SLC25A33: variants seen among roughly 807,000 people sequenced by gnomAD.
SLC25A33 encodes solute carrier family 25 member 33.
Under a neutral mutation model 35.5 loss-of-function variants are expected in SLC25A33, and 15 were observed. That is an observed-to-expected ratio of 0.42 (90% confidence interval 0.28 to 0.65). The LOEUF (loss-of-function observed/expected upper bound fraction) is 0.65. Among genes scored for constraint, SLC25A33 ranks in the 30% least tolerant of loss-of-function variants. SLC25A33 has a pLI of 0.20. For synonymous variants in SLC25A33, 136 were observed against 148.7 expected (o/e 0.91, Z 0.62); for missense variants, 257 against 398.5 (o/e 0.64, Z 3.02).
At chr1:9,560,359 T>C (rs1643404885) in intron 2 of SLC25A33, among the ~76,000 whole-genome samples, 1 of 151,944 alleles carries the variant, frequency 6.6e-6, no homozygotes, top group African/African-American at 2.4e-5. Flanking sequence ...GGTCAGGAGA[T>C]AGAGACTATC....
intron 4 of SLC25A33, 117 bp downstream of exon 4, chr1:9,570,475 G>T: frequency 1.1e-6 from 1 of 882,178 alleles, no homozygotes; most frequent in Non-Finnish European, 1.8e-6. Context: ...ACCTAAAATT[G>T]TTTTTCTAAA....
chr1:9,568,679 G>A (rs947114460), intron 3 of SLC25A33, among the ~76,000 whole-genome samples: 5 of 151,186 alleles, frequency 3.3e-5, no homozygotes, highest in Admixed American at 2.0e-4. Context: ...GTGAAACCCC[G>A]TCTCTACTAA....
intron 6 of SLC25A33, among the ~76,000 whole-genome samples, chr1:9,581,689 G>A (rs978539288): frequency 4.5e-4 from 66 of 146,538 alleles, no homozygotes; most frequent in African/African-American, 9.5e-4. Flanking sequence ...AGATCGTACC[G>A]ACTGCACTCC....
chr1:9,574,065 A>G (rs938330542), intron 5 of SLC25A33, among the ~76,000 whole-genome samples: 1 of 150,076 alleles, frequency 6.7e-6, no homozygotes, highest in Non-Finnish European at 1.5e-5. Context: ...ATCTTGGCTC[A>G]CTGCAATCTA....
rs149976338 is a variant in SLC25A33, at chr1:9,567,355, C to T, written c.308C>T (p.Pro103Leu). Residue 103 changes from proline (P) to leucine (L), a missense_variant, in exon 3 of 7, where the codon CCA becomes CTA. Physicochemically the swap from Pro to Leu is moderately conservative, Grantham distance 98. Coordinates refer to ENST00000302692, the MANE Select transcript of SLC25A33 (RefSeq NM_032315.3). ...GLGPNLVGVA[P>L]SRAVYFACYS... ...GGTCCAAATTTGGTTGGAGTTGCAC[C>T]ATCAAGGTAAGCATTAAACTTTCCA... is the stretch of plus-strand genomic sequence containing the variant. 10 of 1,613,488 alleles carry T rather than the reference C, an allele frequency of 6.2e-6. No homozygotes were observed. The highest frequency in any genetic ancestry group is 6.8e-6 in the Non-Finnish European group (8 of 1,179,818).
At chr1:9,568,875 A>T (rs1643549576) in intron 3 of SLC25A33, among the ~76,000 whole-genome samples, 1 of 151,680 alleles carries the variant, frequency 6.6e-6, no homozygotes, top group African/African-American at 2.4e-5. Flanking sequence ...GAAGTCTTAC[A>T]ACAAAAATGA....
rs544627851 is a variant in SLC25A33 at position 9,584,506 on chromosome 1, TCTC to T, written c.*2008_*2010del. ...CCTCCACCTCCCGGTTTCAAGCAAT[TCTC>T]CTGTCTTAGCCTCCTGAGTAGCTGG... On this transcript the variant is annotated 3_prime_UTR_variant, in exon 7 of 7. Transcript: ENST00000302692. 8 of 152,386 alleles carry T rather than the reference TCTC, an allele frequency of 5.2e-5. No individual in the cohort carries two copies. The highest frequency in any genetic ancestry group is 1.2e-4 in the Non-Finnish European group (8 of 68,106). The allele number at this position is 152,386 out of a possible 1,614,324, so 9.4% of individuals were successfully genotyped here. A position where few individuals can be genotyped will look rare whatever the true frequency, so the allele number is the denominator to read the frequency against.
chr1:9,568,754 G>C (rs1643545931), intron 3 of SLC25A33, among the ~76,000 whole-genome samples: 1 of 152,082 alleles, frequency 6.6e-6, no homozygotes, highest in Admixed American at 6.5e-5. Flanking sequence ...AGGAGGCTAA[G>C]GCAGGAGAAT....
chr1:9,558,403 C>A (rs1643375636), intron 2 of SLC25A33, among the ~76,000 whole-genome samples: 1 of 152,224 alleles, frequency 6.6e-6, no homozygotes, highest in South Asian at 2.1e-4. Context: ...TACTGCCACT[C>A]CTGTGGGCGC....
chr1:9,564,157 C>T lies in SLC25A33; in HGVS notation c.237-3127C>T, dbSNP rs116474081. Among the ~76,000 whole-genome samples, 1,027 of 152,220 alleles carry T rather than the reference C, an allele frequency of 6.7e-3. 10 individuals are homozygous for T. Among genetic ancestry groups the T allele is most frequent in the African/African-American group, 0.024 (985 of 41,530 alleles). ...CATTGAAGAGAGTAAATTTAACCAA[C>T]GTGAATAACTGTGTTGCTGCGGAAA... On this transcript the variant is annotated intron_variant, in intron 2 of 6. Transcript: ENST00000302692.
At chr1:9,559,930 A>C (rs1398612502) in intron 2 of SLC25A33, among the ~76,000 whole-genome samples, 1 of 152,162 alleles carries the variant, frequency 6.6e-6, no homozygotes. Context: ...TTTCCTGTTG[A>C]CATTTTTGGA....
chr1:9,548,478 A>T (rs918350433), intron 1 of SLC25A33, among the ~76,000 whole-genome samples: 4 of 152,116 alleles, frequency 2.6e-5, no homozygotes, highest in Admixed American at 2.0e-4. Flanking sequence ...GGAACTCATG[A>T]GGGTGAGGCA....
At chr1:9,551,642 C>T (rs1414927484) in intron 1 of SLC25A33, among the ~76,000 whole-genome samples, 1 of 152,126 alleles carries the variant, frequency 6.6e-6, no homozygotes, top group Non-Finnish European at 1.5e-5. Context: ...GCTCTAGTTG[C>T]AAGAATGTAC....
In SLC25A33 at chr1:9,547,278, A is replaced by AC. The variant is rs547761501; in HGVS notation, c.57-6344dup. On this transcript the variant is annotated intron_variant, in intron 1 of 6. Transcript: ENST00000302692. The stretch of plus-strand genomic sequence containing the variant: ...AGACCAGCCTGGCCAACATGGTGAA[A>AC]CCCCATCTCTACTAAAAATACAAAA... Among the ~76,000 whole-genome samples, 250 of 152,262 alleles carry AC rather than the reference A, an allele frequency of 1.6e-3. 2 individuals carry two copies. The highest frequency in any genetic ancestry group is 5.8e-3 in the African/African-American group (242 of 41,556).
At chr1:9,558,928 C>T (rs1256162344) in intron 2 of SLC25A33, among the ~76,000 whole-genome samples, 3 of 152,146 alleles carry the variant, frequency 2.0e-5, no homozygotes, top group Non-Finnish European at 4.4e-5. Context: ...TCCCTGTGGC[C>T]TACTAGGTTC....
intron 1 of SLC25A33, among the ~76,000 whole-genome samples, chr1:9,550,968 A>G (rs1214412033): frequency 6.6e-6 from 1 of 152,030 alleles, no homozygotes; most frequent in African/African-American, 2.4e-5. Flanking sequence ...ATGAGCTGTC[A>G]CACCTGGCCA....
At chr1:9,564,274 C>T (rs1643467868) in intron 2 of SLC25A33, among the ~76,000 whole-genome samples, 1 of 152,140 alleles carries the variant, frequency 6.6e-6, no homozygotes, top group Admixed American at 6.5e-5. Context: ...GTGTGAAAAG[C>T]ACATTGGCGA....
intron 2 of SLC25A33, among the ~76,000 whole-genome samples, chr1:9,561,962 A>T (rs1403813936): frequency 6.6e-6 from 1 of 152,066 alleles, no homozygotes; most frequent in Non-Finnish European, 1.5e-5. Flanking sequence ...TTAAAAGAGC[A>T]ATACTGTTTG....
chr1:9,549,271 C>G (rs1643225499), intron 1 of SLC25A33, among the ~76,000 whole-genome samples: 1 of 150,874 alleles, frequency 6.6e-6, no homozygotes, highest in African/African-American at 2.4e-5. Flanking sequence ...TGCCTGCAAG[C>G]TCCCCAGGGC....
Sources: gnomAD v4.1 joint callset for allele counts (sites outside exome capture counted in the v4.1 genomes callset) on GRCh38, gnomAD v4.1.1 for gene constraint, MANE v1.5 for transcripts, NCBI Gene and HGNC (gene_info 2026-07-23, HGNC 2026-07-21) for gene names.